TAF4B: variants seen among roughly 807,000 people sequenced by gnomAD.
TAF4B encodes the protein transcription initiation factor TFIID subunit 4B.
A neutral mutation model predicts 86.4 loss-of-function variants in TAF4B; 38 were observed. The ratio of observed to expected loss-of-function variants is 0.44; its 90% confidence interval spans 0.34 to 0.58. The LOEUF is 0.58. Ranked by LOEUF, TAF4B falls within the 20% of genes least tolerant of loss-of-function variation. TAF4B has a pLI of 0.02. For synonymous variants in TAF4B, 388 were observed against 391.2 expected, an observed-to-expected ratio of 0.99 and a Z score of 0.10; for missense variants, 988 against 1,027.6, an observed-to-expected ratio of 0.96 and a Z score of 0.53.
chr18:26,351,024 A>G (rs2057240707), intron 13 of TAF4B, among the ~76,000 whole-genome samples: 1 of 152,206 alleles, frequency 6.6e-6, no homozygotes, highest in South Asian at 2.1e-4. Context: ...CAGTACTGAG[A>G]AAAGAAATCA....
intron 14 of TAF4B, among the ~76,000 whole-genome samples, chr18:26,358,070 T>C (rs1161691606): frequency 2.0e-5 from 3 of 152,192 alleles, no homozygotes; most frequent in African/African-American, 4.8e-5. Context: ...GTATTTAAAT[T>C]TTTTATTTCT....
At chr18:26,308,660 G>A (rs1372732211) in intron 9 of TAF4B, among the ~76,000 whole-genome samples, 3 of 151,996 alleles carry the variant, frequency 2.0e-5, no homozygotes, top group African/African-American at 4.8e-5. Flanking sequence ...ATCATCTGAG[G>A]TCTGGAGTTC....
chr18:26,255,811 C>G (rs1337375668), intron 1 of TAF4B: 2 of 1,461,620 alleles, frequency 1.4e-6, no homozygotes, highest in East Asian at 2.3e-5. Flanking sequence ...ATGAGAACTT[C>G]CCCAAAACGG....
At chr18:26,346,803 A>ATATATATATGTG (rs2057190907) in intron 13 of TAF4B, among the ~76,000 whole-genome samples, 1 of 17,910 alleles carries the variant, frequency 5.6e-5, no homozygotes, top group Non-Finnish European at 1.2e-4. Context: ...ATATATGTGT[A>ATATATATATGTG]TATATATATA....
rs1555623695 is a variant in TAF4B, at chr18:26,346,873, A to ATATATG, written c.2317-10816_2317-10815insATATGT. ...TATATATATATGTGTATATATATAT[A>ATATATG]TGTGTATATATATATATATATATAT... On this transcript the variant is annotated intron_variant, in intron 13 of 14. Transcript: ENST00000269142. Among the ~76,000 whole-genome samples the ATATATG allele has an allele frequency of 8.1e-4, 10 of 12,294 alleles. 1 individual carries two copies. Among genetic ancestry groups the ATATATG allele is most frequent in the East Asian group, 9.8e-3 (1 of 102 alleles). 8.1% of individuals were successfully genotyped at this position (12,294 alleles called of 152,430 possible).
intron 11 of TAF4B, among the ~76,000 whole-genome samples, chr18:26,325,108 C>G (rs554042545): frequency 6.6e-6 from 1 of 152,188 alleles, no homozygotes; most frequent in Non-Finnish European, 1.5e-5. Context: ...TAGTCATAAA[C>G]TGAGATCTAA....
chr18:26,341,362 G>T (rs1293399519), intron 13 of TAF4B, among the ~76,000 whole-genome samples: 1 of 151,966 alleles, frequency 6.6e-6, no homozygotes. Context: ...GTTTGAGATA[G>T]ACCATGAATA....
At chr18:26,241,784 G>A (rs972033337) in intron 1 of TAF4B, among the ~76,000 whole-genome samples, 1 of 152,148 alleles carries the variant, frequency 6.6e-6, no homozygotes, top group African/African-American at 2.4e-5. Context: ...GGTATGTTGT[G>A]TCTTTGTTCT....
intron 9 of TAF4B, among the ~76,000 whole-genome samples, chr18:26,302,750 T>A (rs72880176): frequency 3.3e-5 from 5 of 152,278 alleles, no homozygotes; most frequent in Non-Finnish European, 7.4e-5. Context: ...GATTCGTTTT[T>A]CCCCATATAG....
At chr18:26,316,078 G>A (rs1478501023) in intron 10 of TAF4B, among the ~76,000 whole-genome samples, 9 of 151,076 alleles carry the variant, frequency 6.0e-5, no homozygotes, top group Admixed American at 4.6e-4. Flanking sequence ...GTGGGGGTGC[G>A]CCTGTAGTCT....
intron 9 of TAF4B, among the ~76,000 whole-genome samples, chr18:26,296,854 G>C (rs1261799388): frequency 2.6e-5 from 4 of 152,098 alleles, no homozygotes; most frequent in Non-Finnish European, 4.4e-5. Context: ...AAAATGTAGA[G>C]GTAGGCCGGA....
In TAF4B at chr18:26,328,647, T is replaced by C. The variant is rs989833446; in HGVS notation, c.2259+1507T>C. 2.0e-5 allele frequency among the ~76,000 whole-genome samples: 3 copies of C among 152,120 alleles called. No individual in the cohort carries two copies. The East Asian group carries it at 5.8e-4, about 29-fold the overall frequency. ...TTTTATTTTTTTGTTTTTTGAGCAA[T>C]CTCTCTCTGTAGCTCAAGCTAGAGT... is the stretch of plus-strand genomic sequence containing the variant. On this transcript the variant is annotated intron_variant, in intron 12 of 14. Transcript: ENST00000269142.
At chr18:26,247,905 T>C (rs974586428) in intron 1 of TAF4B, among the ~76,000 whole-genome samples, 1 of 149,774 alleles carries the variant, frequency 6.7e-6, no homozygotes, top group Non-Finnish European at 1.5e-5. Context: ...TGAGACAGGG[T>C]CTTGCTGTCA....
rs2055578318 is a variant in TAF4B at position 26,226,632 on chromosome 18, G to A, written c.-302G>A. On this transcript the variant is annotated 5_prime_UTR_variant, in exon 1 of 15. Coordinates refer to ENST00000269142, the MANE Select transcript of TAF4B (RefSeq NM_005640.3). ...TCCAGGCTCCCCCGCAGCGGGACCC[G>A]AGCCTGAGGCGCAGGGCTGAGGCAG... 3.6e-6 allele frequency: 1 copy of A among 279,200 alleles called. No individual in the cohort carries two copies. Among genetic ancestry groups the A allele is most frequent in the Non-Finnish European group, 6.7e-6 (1 of 150,360 alleles). 17.3% of individuals were successfully genotyped at this position (279,200 alleles called of 1,614,324 possible). A position where few individuals can be genotyped will look rare whatever the true frequency, so the allele number is the denominator to read the frequency against.
Position 26,293,523 on chromosome 18 carries a change from A to C in TAF4B, c.1824A>C (p.Ser608=). The C allele has an allele frequency of 6.4e-7, 1 of 1,554,982 alleles. No homozygotes were observed. The highest frequency in any genetic ancestry group is 1.2e-5 in the South Asian group (1 of 81,452). ...ATAGAATAAAAGAGAATGTAACATCATGCTTCCGGTAAGAAAATAAATAGT... is the reference window on the plus strand; with the variant it reads ...ATAGAATAAAAGAGAATGTAACATCCTGCTTCCGGTAAGAAAATAAATAGT... ...QKNRIKENVT[S]CFRDEDDIND... Residue 608 remains serine, a synonymous_variant, in exon 9 of 15, where the codon TCA becomes TCC. Coordinates refer to ENST00000269142, the MANE Select transcript of TAF4B (RefSeq NM_005640.3).
chr18:26,255,601 T>C (rs2056070597), intron 1 of TAF4B: 1 of 369,688 alleles, frequency 2.7e-6, no homozygotes, highest in Non-Finnish European at 4.6e-6. Context: ...AAACTCTGTC[T>C]CCAAAAAAAA....
Position 26,286,315 on chromosome 18 carries a change from T to C in TAF4B, c.1406T>C (p.Val469Ala). 1 of 1,614,222 alleles carries C rather than the reference T, an allele frequency of 6.2e-7. No individual in the cohort carries two copies. The highest frequency in any genetic ancestry group is 1.3e-5 in the African/African-American group (1 of 75,056). Residue 469 changes from valine to alanine, a missense_variant, in exon 7 of 15, where the codon GTA (valine) becomes GCA (alanine). Coordinates refer to ENST00000269142, the MANE Select transcript of TAF4B (RefSeq NM_005640.3). Reference protein sequence around the residue: ...GTAVTLSLPAVTFGETSGAAI... With the variant: ...GTAVTLSLPAATFGETSGAAI... The stretch of plus-strand genomic sequence containing the variant: ...GCAGTAACACTGTCCCTTCCAGCAG[T>C]AACTTTTGGAGAAACTTCAGGTGCA...
intron 13 of TAF4B, among the ~76,000 whole-genome samples, chr18:26,345,435 T>C (rs954997795): frequency 2.0e-5 from 3 of 152,230 alleles, no homozygotes; most frequent in Non-Finnish European, 2.9e-5. Flanking sequence ...AAGAGCCCTG[T>C]AGCCCAAATC....
chr18:26,229,978 T>C (rs74942254), intron 1 of TAF4B, among the ~76,000 whole-genome samples: 11,988 of 150,724 alleles, frequency 0.08, 508 homozygotes, highest in African/African-American at 0.12. Flanking sequence ...TATATATATA[T>C]ACACACACAC....
Sources: allele counts gnomAD v4.1 joint callset (sites outside exome capture counted in the v4.1 genomes callset), GRCh38; gene constraint gnomAD v4.1.1; transcripts MANE v1.5; gene names NCBI Gene and HGNC (gene_info 2026-07-23, HGNC 2026-07-21).